The following STAT3 variants were observed in gnomAD, a reference collection of about 807,000 sequenced individuals.
STAT3 encodes the protein DNA-binding protein APRF.
Under a neutral mutation model 114.3 loss-of-function variants are expected in STAT3, and 7 were observed. The observed-to-expected ratio is 0.06, with a 90% CI of 0.03 to 0.11. STAT3 has a LOEUF of 0.11. Ranked by LOEUF, STAT3 falls within the 10% of genes least tolerant of loss-of-function variation. The pLI is 1.00. For synonymous variants in STAT3, 331 were observed against 354.5 expected (o/e 0.93, Z 0.74); for missense variants, 364 against 960.9 (o/e 0.38, Z 8.21).
At chr17:42,351,708 TATTTGCCCCAATTAGGCC>T (rs1258714029) in intron 1 of STAT3, among the ~76,000 whole-genome samples, 6 of 152,224 alleles carry the variant, frequency 3.9e-5, no homozygotes, top group African/African-American at 1.4e-4. Flanking sequence ...CAGAATAAGG[TATTTGCCCCAATTAGGCC>T]AATACGCTTC....
chr17:42,358,516 C>G (rs9912773), intron 1 of STAT3, among the ~76,000 whole-genome samples: 39,475 of 152,096 alleles, frequency 0.26, 5,362 homozygotes, highest in East Asian at 0.4. Context: ...TGCCTAAGAA[C>G]AGGTCTGAGC....
In STAT3 at chr17:42,337,143, C is replaced by A. The variant is rs1030130583; in HGVS notation, c.797+292G>T. Among the ~76,000 whole-genome samples the A allele has an allele frequency of 6.6e-6, 1 of 151,986 alleles. No individual in the cohort carries two copies. Among genetic ancestry groups the A allele is most frequent in the African/African-American group, 2.4e-5 (1 of 41,374 alleles). Reference sequence around the variant, plus strand: ...TACAGGTGCGCACCACCACGCCCGGCTAATTTTTTTATGTTTTTAGTAGAG... The same window carrying A: ...TACAGGTGCGCACCACCACGCCCGGATAATTTTTTTATGTTTTTAGTAGAG... On this transcript the variant is annotated intron_variant, in intron 8 of 23. Transcript: ENST00000264657. This position sits in a 1 kb window ranked among gnomAD's most constrained non-coding sequence, Gnocchi z 4.0.
intron 1 of STAT3, among the ~76,000 whole-genome samples, chr17:42,350,691 G>A (rs1418067860): frequency 3.9e-5 from 6 of 152,150 alleles, no homozygotes. Flanking sequence ...ACGGCTGGTG[G>A]AGCTCTCAAG....
chr17:42,388,167 GC>G (rs2085216911), intron 1 of STAT3, 111 bp downstream of exon 1: 1 of 1,165,338 alleles, frequency 8.6e-7, no homozygotes, highest in East Asian at 3.2e-5. Context: ...ATCTCTCCCG[GC>G]CCCACTGCAG....
At chr17:42,351,129 C>CAAAAA (rs139529559) in intron 1 of STAT3, among the ~76,000 whole-genome samples, 207 of 74,130 alleles carry the variant, frequency 2.8e-3, no homozygotes, top group Non-Finnish European at 3.8e-3. Context: ...GACTCCATCT[C>CAAAAA]AAAAAAAAAA....
chr17:42,325,713 C>T lies in STAT3; in HGVS notation c.1365+403G>A, dbSNP rs181430493. Among the ~76,000 whole-genome samples, 31 of 152,056 alleles carry T rather than the reference C, an allele frequency of 2.0e-4. No homozygotes were observed. In the South Asian group the frequency reaches 3.9e-3, roughly 19 times the overall value. On this transcript the variant is annotated intron_variant, in intron 15 of 23. Transcript: ENST00000264657. ...CCGAGTAGCTGGGATTATAGGCGTC[C>T]GCCACCATACCCAGCTAATTTTTGT...
At chr17:42,388,055 CTCCGAAGAACGAAACT>C (rs758541888) in intron 1 of STAT3, 41 of 506,844 alleles carry the variant, frequency 8.1e-5, no homozygotes, top group Non-Finnish European at 1.2e-4. Context: ...CGTTCTGTTT[CTCCGAAGAACGAAACT>C]TCCCTCCAGC....
Position 42,324,856 on chromosome 17 carries a change from A to G in STAT3, c.1465-10T>C, listed in dbSNP as rs2144716321. The G allele has an allele frequency of 6.2e-7, 1 of 1,614,206 alleles. No homozygotes were observed. Among genetic ancestry groups the G allele is most frequent in the Non-Finnish European group, 8.5e-7 (1 of 1,180,044 alleles). The stretch of plus-strand genomic sequence containing the variant: ...TAAAAAAGTTTACATTCTATTGGAA[A>G]GAACACATTTGCTTGTTTAGATGAG... On this transcript the variant is annotated splice_polypyrimidine_tract_variant and intron_variant, in intron 16 of 23. Transcript: ENST00000264657. This position sits in a 1 kb window ranked among gnomAD's most constrained non-coding sequence, Gnocchi z 4.5.
chr17:42,360,017 G>A lies in STAT3; in HGVS notation c.-23-11478C>T, dbSNP rs551783560. The stretch of plus-strand genomic sequence containing the variant: ...AGAGCTTGCAGTGAGCCGAGATCGC[G>A]CCACTGCACTCCAGCCTGGGCGGCA... On this transcript the variant is annotated intron_variant, in intron 1 of 23. Transcript: ENST00000264657. Among the ~76,000 whole-genome samples the A allele has an allele frequency of 3.1e-3, 390 of 127,336 alleles. 5 individuals carry two copies. The highest frequency in any genetic ancestry group is 0.012 in the African/African-American group (377 of 31,670). 83.5% of individuals were successfully genotyped at this position (127,336 alleles called of 152,430 possible).
intron 4 of STAT3, among the ~76,000 whole-genome samples, chr17:42,344,184 A>C (rs973832555): frequency 6.6e-6 from 1 of 152,160 alleles, no homozygotes; most frequent in Non-Finnish European, 1.5e-5. Flanking sequence ...GCACTTTGGG[A>C]GGCCGAGGCG....
chr17:42,371,461 G>C (rs1047442261), intron 1 of STAT3, among the ~76,000 whole-genome samples: 1 of 150,032 alleles, frequency 6.7e-6, no homozygotes, highest in Admixed American at 6.7e-5. Flanking sequence ...ACCTGAGAAC[G>C]GGGAGTTCAA....
At chr17:42,357,888 A>G (rs918644337) in intron 1 of STAT3, among the ~76,000 whole-genome samples, 4 of 152,204 alleles carry the variant, frequency 2.6e-5, no homozygotes, top group African/African-American at 9.6e-5. Flanking sequence ...GATACTTGCA[A>G]TAAGAAGTCT....
intron 1 of STAT3, chr17:42,387,741 A>C (rs1598555570): frequency 6.6e-6 from 1 of 152,464 alleles, no homozygotes; most frequent in East Asian, 1.9e-4. Context: ...CCTACCCACG[A>C]CCAGCCAGCC....
At position 42,325,065 on chromosome 17, in the gene STAT3, C is replaced by A. The variant is rs373653543; in HGVS notation, c.1366-4G>T. Reference sequence around the variant, plus strand: ...CCACAACTGGCAAGGAGTGGGTCTGCGGAGGGAGTGGGGACTGAGCTGGGG... The same window carrying A: ...CCACAACTGGCAAGGAGTGGGTCTGAGGAGGGAGTGGGGACTGAGCTGGGG... On this transcript the variant is annotated splice_region_variant and splice_polypyrimidine_tract_variant and intron_variant, in intron 15 of 23. Coordinates refer to ENST00000264657, the MANE Select transcript of STAT3 (RefSeq NM_139276.3). 1 of 1,613,584 alleles carries A rather than the reference C, an allele frequency of 6.2e-7. No individual in the cohort carries two copies. Among genetic ancestry groups the A allele is most frequent in the Non-Finnish European group, 8.5e-7 (1 of 1,179,818 alleles).
intron 11 of STAT3, among the ~76,000 whole-genome samples, chr17:42,331,116 T>C (rs535266460): frequency 3.3e-5 from 5 of 152,330 alleles, no homozygotes; most frequent in East Asian, 3.9e-4. Context: ...CTCTACAACA[T>C]TTGCACAACA....
intron 1 of STAT3, among the ~76,000 whole-genome samples, chr17:42,350,870 C>G (rs1963987): frequency 6.6e-6 from 1 of 151,972 alleles, no homozygotes; most frequent in African/African-American, 2.4e-5. Context: ...CAGTGGCTCA[C>G]GCCTGTAATC....
chr17:42,314,321 G>A lies in STAT3; in HGVS notation c.*1424C>T, dbSNP rs954132444. 2.1e-5 allele frequency: 5 copies of A among 233,396 alleles called. No homozygotes were observed. Among genetic ancestry groups the A allele is most frequent in the African/African-American group, 6.6e-5 (3 of 45,406 alleles). 14.5% of individuals were successfully genotyped at this position (233,396 alleles called of 1,614,324 possible). Reference sequence around the variant, plus strand: ...ATATTCCCTGAGCTCAACCAGACACGTCGCTGGGGCCCCATAGTGTGCATC... The same window carrying A: ...ATATTCCCTGAGCTCAACCAGACACATCGCTGGGGCCCCATAGTGTGCATC... On this transcript the variant is annotated 3_prime_UTR_variant, in exon 24 of 24. Coordinates refer to ENST00000264657, the MANE Select transcript of STAT3 (RefSeq NM_139276.3).
intron 4 of STAT3, among the ~76,000 whole-genome samples, chr17:42,342,949 G>A (rs1168459699): frequency 6.7e-6 from 1 of 150,178 alleles, no homozygotes; most frequent in Admixed American, 6.7e-5. Flanking sequence ...ATCAGTTGAT[G>A]AGCCCAGGAG....
chr17:42,388,238 C>G, intron 1 of STAT3, 41 bp downstream of exon 1: 8 of 1,231,768 alleles, frequency 6.5e-6, no homozygotes, highest in Non-Finnish European at 8.1e-6. Flanking sequence ...GCCCCCGGGT[C>G]CCCAGGCCTC....
Sources: gnomAD v4.1 joint callset for allele counts (sites outside exome capture counted in the v4.1 genomes callset) on GRCh38, gnomAD v4.1.1 for gene constraint, Gnocchi (gnomAD v3.1) non-coding constraint, MANE v1.5 for transcripts, NCBI Gene and HGNC (gene_info 2026-07-23, HGNC 2026-07-21) for gene names.